ITGB5: variants seen among roughly 807,000 people sequenced by gnomAD.
ITGB5 encodes integrin subunit beta 5.
A neutral mutation model predicts 84.8 loss-of-function variants in ITGB5; 38 were observed. The ratio of observed to expected loss-of-function variants is 0.45; its 90% CI spans 0.35 to 0.59. ITGB5 has a LOEUF of 0.59. Among genes scored for constraint, ITGB5 ranks in the 20% least tolerant of loss-of-function variants. The pLI is 0.01. For missense variants in ITGB5, 905 were observed against 1,034.5 expected, an observed-to-expected ratio of 0.87 and a Z score of 1.72; for synonymous variants, 393 against 414.4, an observed-to-expected ratio of 0.95 and a Z score of 0.63.
chr3:124,821,242 C>T (rs775334102), intron 6 of ITGB5, 71 bp downstream of exon 6: 374 of 1,510,828 alleles, frequency 2.5e-4, no homozygotes, highest in Non-Finnish European at 3.2e-4. Context: ...CAAGGCTGGG[C>T]AAGTACTAAG....
chr3:124,900,722 C>A lies in ITGB5; in HGVS notation c.-255+544G>T, dbSNP rs115063852. Among the ~76,000 whole-genome samples, 374 of 152,194 alleles carry A rather than the reference C, an allele frequency of 2.5e-3. 2 individuals carry two copies. The highest frequency in any genetic ancestry group is 8.6e-3 in the African/African-American group (356 of 41,528). On this transcript the variant is annotated intron_variant, in intron 1 of 4. Transcript: ENST00000608657. ...TTCTCGGAGAACCCTCAGGGAAAAC[C>A]CAGACAGATCTTGCTCACCTCACCT...
At chr3:124,782,978 T>A (rs1271080840) in intron 10 of ITGB5, among the ~76,000 whole-genome samples, 1 of 151,920 alleles carries the variant, frequency 6.6e-6, no homozygotes, top group African/African-American at 2.4e-5. Context: ...TTCTTTCTTT[T>A]TTTTCTTTTT....
chr3:124,859,082 T>C (rs2065259164), intron 3 of ITGB5, among the ~76,000 whole-genome samples, 160 bp downstream of exon 3: 1 of 152,202 alleles, frequency 6.6e-6, no homozygotes, highest in East Asian at 1.9e-4. Flanking sequence ...TCAATAAGAA[T>C]ATACTCTGCT....
intron 14 of ITGB5, among the ~76,000 whole-genome samples, chr3:124,764,144 G>A (rs2150917835): frequency 6.6e-6 from 1 of 152,264 alleles, no homozygotes; most frequent in African/African-American, 2.4e-5. Flanking sequence ...CTCTTCCTGA[G>A]GCACGCCCAG....
chr3:124,885,076 G>A (rs943313576), intron 1 of ITGB5, among the ~76,000 whole-genome samples: 2 of 152,154 alleles, frequency 1.3e-5, no homozygotes, highest in Non-Finnish European at 2.9e-5. Context: ...TTCAAGACCA[G>A]CCCAGCCAAC....
Position 124,859,231 on chromosome 3 carries a change from G to A in ITGB5, c.361+11C>T, listed in dbSNP as rs1223907541. 1 of 1,611,758 alleles carries A rather than the reference G, an allele frequency of 6.2e-7. No homozygotes were observed. The highest frequency in any genetic ancestry group is 8.5e-7 in the Non-Finnish European group (1 of 1,178,640). The stretch of plus-strand genomic sequence containing the variant: ...TCCCAGAGCATCCAGCCCTTTCTGT[G>A]GGCAACTCACCGGGCCGGAGGTTCA... On this transcript the variant is annotated intron_variant, in intron 3 of 14. Coordinates refer to ENST00000296181, the MANE Select transcript of ITGB5 (RefSeq NM_002213.5).
At chr3:124,794,469 AC>A (rs1285074051) in intron 10 of ITGB5, among the ~76,000 whole-genome samples, 1 of 152,198 alleles carries the variant, frequency 6.6e-6, no homozygotes, top group Non-Finnish European at 1.5e-5. Context: ...TCAAGAGTAT[AC>A]TGTGACTGTT....
intron 12 of ITGB5, 72 bp downstream of exon 12, chr3:124,768,941 C>A: frequency 8.0e-7 from 1 of 1,246,574 alleles, no homozygotes; most frequent in Non-Finnish European, 1.2e-6. Flanking sequence ...CCTCCTGACT[C>A]AAGGCTAAAA....
At chr3:124,786,006 T>TAATCAAA (rs2150954291) in intron 10 of ITGB5, among the ~76,000 whole-genome samples, 1 of 152,320 alleles carries the variant, frequency 6.6e-6, no homozygotes, top group South Asian at 2.1e-4. Flanking sequence ...TCTGACTCTA[T>TAATCAAA]AATCAAAAAT....
At chr3:124,779,682 T>G (rs72972510) in intron 10 of ITGB5, among the ~76,000 whole-genome samples, 3,005 of 152,268 alleles carry the variant, frequency 0.02, 104 homozygotes, top group African/African-American at 0.069. Flanking sequence ...GTTTCACCCC[T>G]TTGTATATTT....
intron 5 of ITGB5, among the ~76,000 whole-genome samples, chr3:124,832,458 A>T (rs941232292): frequency 6.6e-6 from 1 of 152,222 alleles, no homozygotes; most frequent in Non-Finnish European, 1.5e-5. Context: ...AACCCTGTTA[A>T]ATGCCTGGTA....
chr3:124,858,095 T>C (rs1471274933), intron 3 of ITGB5, among the ~76,000 whole-genome samples: 3 of 149,574 alleles, frequency 2.0e-5, no homozygotes, highest in Non-Finnish European at 4.4e-5. Flanking sequence ...GACTGTGCCA[T>C]TGCACTCCAG....
chr3:124,891,071 C>T (rs1036861904), upstream of ITGB5, among the ~76,000 whole-genome samples: 3 of 152,136 alleles, frequency 2.0e-5, no homozygotes, highest in African/African-American at 7.2e-5. Flanking sequence ...CCAAAGGAGG[C>T]TGCTGGTTTT....
intron 10 of ITGB5, among the ~76,000 whole-genome samples, chr3:124,781,919 G>A (rs554464589): frequency 3.0e-4 from 45 of 152,264 alleles, no homozygotes; most frequent in Admixed American, 5.9e-4. Context: ...TGTGGGCAGC[G>A]GTCCAGGTTC....
At chr3:124,890,565 A>G (rs1352753664), upstream of ITGB5, among the ~76,000 whole-genome samples, 2 of 152,044 alleles carry the variant, frequency 1.3e-5, no homozygotes, top group African/African-American at 4.8e-5. Context: ...TCCTTCTTCC[A>G]ACTCCAGTGC....
upstream of ITGB5, among the ~76,000 whole-genome samples, chr3:124,891,744 G>A (rs1361502550): frequency 2.0e-5 from 3 of 151,880 alleles, no homozygotes; most frequent in Admixed American, 6.6e-5. Flanking sequence ...GCAACATGGT[G>A]AAACCCCATC....
chr3:124,861,428 A>T (rs1216953160), intron 2 of ITGB5, among the ~76,000 whole-genome samples: 1 of 150,968 alleles, frequency 6.6e-6, no homozygotes, highest in Non-Finnish European at 1.5e-5. Flanking sequence ...GATCCATGCC[A>T]CTGCACTCCA....
At chr3:124,883,901 T>C (rs1934688659) in intron 1 of ITGB5, among the ~76,000 whole-genome samples, 1 of 152,068 alleles carries the variant, frequency 6.6e-6, no homozygotes, top group East Asian at 1.9e-4. Flanking sequence ...GAGCAGGAGA[T>C]AGCCCTTGGT....
At chr3:124,779,107 A>G (rs921119902) in intron 10 of ITGB5, among the ~76,000 whole-genome samples, 2 of 152,162 alleles carry the variant, frequency 1.3e-5, no homozygotes, top group Non-Finnish European at 2.9e-5. Flanking sequence ...AGGACACGGG[A>G]GCTGGCATTG....
Sources: allele counts gnomAD v4.1 joint callset (sites outside exome capture counted in the v4.1 genomes callset), GRCh38; gene constraint gnomAD v4.1.1; transcripts MANE v1.5; gene names NCBI Gene and HGNC (gene_info 2026-07-23, HGNC 2026-07-21).